STAU2: variants seen among roughly 807,000 people sequenced by gnomAD.
The protein encoded by STAU2 is double-stranded RNA-binding protein Staufen homolog 2.
STAU2 carries 20 observed loss-of-function variants against 65.9 expected under a neutral mutation model. The ratio of observed to expected loss-of-function variants is 0.30; its 90% CI spans 0.21 to 0.44. The LOEUF (loss-of-function observed/expected upper bound fraction) is 0.44, where lower values mean the gene tolerates loss of function less well. Among genes scored for constraint, STAU2 ranks in the 20% least tolerant of loss-of-function variants. The pLI, the probability that STAU2 is intolerant of heterozygous loss-of-function variation, is 1.00. For missense variants in STAU2, 558 were observed against 683.9 expected (o/e 0.82, Z 2.05); for synonymous variants, 232 against 233.9 (o/e 0.99, Z 0.07).
intron 13 of STAU2, among the ~76,000 whole-genome samples, chr8:73,499,343 G>C (rs939788693): frequency 4.6e-5 from 7 of 151,824 alleles, no homozygotes; most frequent in African/African-American, 1.7e-4. Flanking sequence ...GGCTAGTAGT[G>C]CAATACTTGA....
At chr8:73,624,582 A>C (rs1450294343) in intron 6 of STAU2, among the ~76,000 whole-genome samples, 1 of 152,220 alleles carries the variant, frequency 6.6e-6, no homozygotes, top group Non-Finnish European at 1.5e-5. Flanking sequence ...AGGAAACTGA[A>C]GAATAGAGAT....
At chr8:73,493,685 A>G (rs1283412690) in intron 13 of STAU2, among the ~76,000 whole-genome samples, 1 of 151,680 alleles carries the variant, frequency 6.6e-6, no homozygotes, top group African/African-American at 2.4e-5. Context: ...GGGAGTGTCA[A>G]ATGGTGTCTT....
intron 6 of STAU2, among the ~76,000 whole-genome samples, chr8:73,633,136 T>C (rs983275855): frequency 6.6e-6 from 1 of 152,208 alleles, no homozygotes; most frequent in Non-Finnish European, 1.5e-5. Flanking sequence ...AGGTTATAGC[T>C]AACAATTACT....
At chr8:73,448,466 A>G (rs1818602534) in intron 13 of STAU2, among the ~76,000 whole-genome samples, 1 of 152,154 alleles carries the variant, frequency 6.6e-6, no homozygotes, top group Admixed American at 6.5e-5. Flanking sequence ...GTATTTTAGT[A>G]GAGACGGGGT....
At chr8:73,463,233 T>C (rs1367768711) in intron 13 of STAU2, among the ~76,000 whole-genome samples, 1 of 152,222 alleles carries the variant, frequency 6.6e-6, no homozygotes, top group Non-Finnish European at 1.5e-5. Context: ...AAAATGGCCA[T>C]AGACCTTGTG....
intron 13 of STAU2, 78 bp from the exon 14 acceptor site, chr8:73,422,780 A>AGAAAGACG: frequency 2.1e-6 from 2 of 932,196 alleles, no homozygotes; most frequent in Non-Finnish European, 2.8e-6. Flanking sequence ...AAGCTGAGAT[A>AGAAAGACG]GAAAGACTCA....
At chr8:73,657,474 T>C (rs1050900172) in intron 6 of STAU2, among the ~76,000 whole-genome samples, 2 of 152,134 alleles carry the variant, frequency 1.3e-5, no homozygotes, top group African/African-American at 4.8e-5. Flanking sequence ...GCAGAAACTA[T>C]AGTACAAATG....
chr8:73,564,050 C>T (rs891283349), intron 12 of STAU2, among the ~76,000 whole-genome samples: 2 of 152,166 alleles, frequency 1.3e-5, no homozygotes, highest in Non-Finnish European at 2.9e-5. Context: ...CCCCCTAAGT[C>T]AGCATAGCTT....
chr8:73,607,556 C>A (rs1465482564), intron 9 of STAU2, among the ~76,000 whole-genome samples: 1 of 151,476 alleles, frequency 6.6e-6, no homozygotes, highest in Non-Finnish European at 1.5e-5. Context: ...ACAGAGAAAC[C>A]CCATCTCTAC....
chr8:73,505,801 C>A (rs556218113), intron 13 of STAU2, among the ~76,000 whole-genome samples: 2 of 152,004 alleles, frequency 1.3e-5, no homozygotes. Context: ...TACTCCCCAG[C>A]GCTGGAAGTG....
intron 6 of STAU2, among the ~76,000 whole-genome samples, chr8:73,657,545 A>G (rs79446511): frequency 6.6e-6 from 1 of 152,190 alleles, no homozygotes; most frequent in Non-Finnish European, 1.5e-5. Flanking sequence ...AACGTATTCA[A>G]ATGAATGAAT....
chr8:73,682,143 C>T (rs1818475732), intron 5 of STAU2, among the ~76,000 whole-genome samples: 1 of 152,102 alleles, frequency 6.6e-6, no homozygotes, highest in Non-Finnish European at 1.5e-5. Flanking sequence ...CAGATATATA[C>T]AGAACATTCT....
intron 13 of STAU2, among the ~76,000 whole-genome samples, chr8:73,498,541 A>G (rs551694163): frequency 1.3e-5 from 2 of 151,910 alleles, no homozygotes; most frequent in Admixed American, 1.3e-4. Flanking sequence ...TAAAAACTCA[A>G]GTCTCTTTCC....
At chr8:73,567,120 C>G (rs1340889881) in intron 12 of STAU2, among the ~76,000 whole-genome samples, 1 of 152,036 alleles carries the variant, frequency 6.6e-6, no homozygotes, top group African/African-American at 2.4e-5. Context: ...ATCATTAATA[C>G]AGTGGGGAAA....
intron 13 of STAU2, among the ~76,000 whole-genome samples, chr8:73,522,584 C>G (rs1258301937): frequency 6.6e-6 from 1 of 152,204 alleles, no homozygotes; most frequent in Non-Finnish European, 1.5e-5. Context: ...TTCCTACATA[C>G]AGTTATTCAC....
chr8:73,733,727 A>G (rs1466764715), intron 3 of STAU2, among the ~76,000 whole-genome samples: 1 of 152,236 alleles, frequency 6.6e-6, no homozygotes. Context: ...ATATTTAAAT[A>G]TTATAGAAAC....
intron 13 of STAU2, among the ~76,000 whole-genome samples, chr8:73,476,600 T>G (rs1820337724): frequency 6.6e-6 from 1 of 152,226 alleles, no homozygotes; most frequent in Non-Finnish European, 1.5e-5. Flanking sequence ...TTCAGTACAC[T>G]TCTAAGAATA....
Position 73,746,828 on chromosome 8 carries a change from A to C in STAU2, c.-242T>G. On this transcript the variant is annotated 5_prime_UTR_variant, in exon 1 of 15. Transcript: ENST00000524300. ...GCAGACGGCTCCAACATTGGCAAAC[A>C]CTACAGAGAACTGACCCCGCTCGGC... The C allele has an allele frequency of 1.6e-6, 2 of 1,224,302 alleles. No homozygotes were observed. Among genetic ancestry groups the C allele is most frequent in the Non-Finnish European group, 2.0e-6 (2 of 982,142 alleles). 75.8% of individuals were successfully genotyped at this position (1,224,302 alleles called of 1,614,324 possible).
intron 13 of STAU2, among the ~76,000 whole-genome samples, chr8:73,493,825 A>AT (rs1241496498): frequency 2.0e-5 from 3 of 151,858 alleles, no homozygotes; most frequent in African/African-American, 7.2e-5. Context: ...TAGTTAAAAA[A>AT]TGGAAACAGT....
Sources: gnomAD v4.1 joint callset for allele counts (sites outside exome capture counted in the v4.1 genomes callset) on GRCh38, gnomAD v4.1.1 for gene constraint, MANE v1.5 for transcripts, NCBI Gene and HGNC (gene_info 2026-07-23, HGNC 2026-07-21) for gene names.